SEC14L5: variants seen among roughly 807,000 people sequenced by gnomAD.
SEC14L5 encodes the protein SEC14 like lipid binding 5.
SEC14L5 carries 96 observed loss-of-function variants against 84.6 expected under a neutral mutation model. That is an observed-to-expected ratio of 1.13 (90% confidence interval 0.96 to 1.34). The LOEUF (loss-of-function observed/expected upper bound fraction) is 1.34, where lower values mean the gene tolerates loss of function less well. Among genes scored for constraint, SEC14L5 ranks in the 40% most tolerant of loss-of-function variants. The pLI, the probability that SEC14L5 is intolerant of heterozygous loss-of-function variation, is 0.00. For synonymous variants in SEC14L5, 546 were observed against 383.4 expected, an observed-to-expected ratio of 1.42 and a Z score of -4.95; for missense variants, 1,224 against 942.5, an observed-to-expected ratio of 1.30 and a Z score of -3.91.
At chr16:5,002,480 A>G (rs1327025772) in intron 10 of SEC14L5, among the ~76,000 whole-genome samples, 1 of 151,996 alleles carries the variant, frequency 6.6e-6, no homozygotes, top group Non-Finnish European at 1.5e-5. Flanking sequence ...TATTTTTAGT[A>G]GAGATGGGGT....
rs761104433 is a variant in SEC14L5 at position 4,987,556 on chromosome 16, G to A, written c.64-1G>A. ...GCCGCTCACTGCCGCTCTGCCCCCAGGCCTACGAGAAGCGTTTCCCCACGT... is the reference window on the plus strand; with the variant it reads ...GCCGCTCACTGCCGCTCTGCCCCCAAGCCTACGAGAAGCGTTTCCCCACGT... On this transcript the variant is annotated splice_acceptor_variant, in intron 2 of 15. Transcript: ENST00000251170. LOFTEE classifies it high-confidence loss of function. 3.2e-6 allele frequency: 5 copies of A among 1,549,092 alleles called. No individual in the cohort carries two copies. Among genetic ancestry groups the A allele is most frequent in the Non-Finnish European group, 2.6e-6 (3 of 1,147,914 alleles).
intron 2 of SEC14L5, among the ~76,000 whole-genome samples, chr16:4,961,951 C>T (rs1176038829): frequency 1.3e-5 from 2 of 151,968 alleles, no homozygotes; most frequent in Non-Finnish European, 2.9e-5. Flanking sequence ...CTTATTGTCA[C>T]TTGGTAGGAC....
intron 2 of SEC14L5, among the ~76,000 whole-genome samples, chr16:4,966,419 G>T (rs1955201412): frequency 6.7e-6 from 1 of 148,518 alleles, no homozygotes; most frequent in African/African-American, 2.5e-5. Context: ...GAGTACAAGT[G>T]CCCGCCACCA....
chr16:4,988,229 C>G lies in SEC14L5; in HGVS notation c.294C>G (p.His98Gln). 2 of 1,613,814 alleles carry G rather than the reference C, an allele frequency of 1.2e-6. No homozygotes were observed. The highest frequency in any genetic ancestry group is 1.7e-6 in the Non-Finnish European group (2 of 1,179,790). Residue 98 changes from histidine (H) to glutamine (Q), a missense_variant, in exon 4 of 16, where the codon CAC (histidine) becomes CAG (glutamine). By Grantham distance (24) the His-to-Gln change is conservative. Coordinates refer to ENST00000251170, the MANE Select transcript of SEC14L5 (RefSeq NM_014692.2). Reference sequence around the variant, plus strand: ...AGAGGACGCTCCTCATCGAAGCGCACAATGAGACCTTCGCCAACCGCGTGG... The same window carrying G: ...AGAGGACGCTCCTCATCGAAGCGCAGAATGAGACCTTCGCCAACCGCGTGG... ...WKERTLLIEA[H>Q]NETFANRVVV...
intron 2 of SEC14L5, among the ~76,000 whole-genome samples, chr16:4,972,683 C>A (rs1212009003): frequency 1.3e-5 from 2 of 152,204 alleles, no homozygotes; most frequent in Non-Finnish European, 2.9e-5. Context: ...CTCTTTAAAG[C>A]TGAAGAATAC....
intron 2 of SEC14L5, among the ~76,000 whole-genome samples, chr16:4,981,433 A>C (rs553366952): frequency 5.3e-5 from 8 of 151,908 alleles, no homozygotes; most frequent in South Asian, 4.1e-4. Flanking sequence ...TGTTCTGTGT[A>C]TATCCTCCCC....
chr16:4,991,915 C>T lies in SEC14L5; in HGVS notation c.552C>T (p.Ala184=). The change falls in exon 6 of 16, where the codon GCC becomes GCT. Residue 184 remains alanine, a synonymous_variant. Coordinates refer to ENST00000251170, the MANE Select transcript of SEC14L5 (RefSeq NM_014692.2). ...CGCACATTCCGCGCTGGACGCCTGC[C>T]CCAGTCCGTGAGGAGGATGCCCGCA... ...GTSHIPRWTP[A]PVREEDARNQ... The T allele has an allele frequency of 6.2e-7, 1 of 1,607,554 alleles. No homozygotes were observed. The highest frequency in any genetic ancestry group is 1.3e-5 in the African/African-American group (1 of 75,006).
intron 2 of SEC14L5, among the ~76,000 whole-genome samples, chr16:4,971,747 A>G (rs1258381141): frequency 6.6e-6 from 1 of 152,194 alleles, no homozygotes; most frequent in African/African-American, 2.4e-5. Flanking sequence ...TTAATCTCCC[A>G]GGGATATATA....
chr16:4,996,167 A>T (rs1227897183), intron 6 of SEC14L5, among the ~76,000 whole-genome samples, 181 bp from the exon 7 acceptor site: 1 of 152,122 alleles, frequency 6.6e-6, no homozygotes, highest in South Asian at 2.1e-4. Flanking sequence ...CCCCTTGGAC[A>T]TGGGCTGGAG....
At chr16:5,006,089 G>C (rs193173563) in intron 12 of SEC14L5, 41 bp downstream of exon 12, 2 of 1,606,154 alleles carry the variant, frequency 1.2e-6, no homozygotes, top group Admixed American at 3.4e-5. Flanking sequence ...GGCTTGAGGA[G>C]GGGGCATGCC....
At chr16:5,012,827 G>A (rs556282039) in intron 15 of SEC14L5, among the ~76,000 whole-genome samples, 1 of 152,062 alleles carries the variant, frequency 6.6e-6, no homozygotes, top group South Asian at 2.1e-4. Flanking sequence ...CCCAGGAGGT[G>A]GAGATTGCAG....
chr16:4,982,135 G>A lies in SEC14L5; in HGVS notation c.64-5422G>A, dbSNP rs148299375. ...GCTCTGTCCTCCTGGCCCTGGTGGA[G>A]GACAGGCAGGCTGGCCTTGCCCAGC... On this transcript the variant is annotated intron_variant, in intron 2 of 15. Coordinates refer to ENST00000251170, the MANE Select transcript of SEC14L5 (RefSeq NM_014692.2). Among the ~76,000 whole-genome samples, 428 of 152,226 alleles carry A rather than the reference G, an allele frequency of 2.8e-3. 18 individuals are homozygous for A. The East Asian group carries it at 0.066, about 24-fold the overall frequency.
intron 11 of SEC14L5, among the ~76,000 whole-genome samples, chr16:5,004,123 G>A (rs1160023738): frequency 6.6e-6 from 1 of 151,738 alleles, no homozygotes; most frequent in African/African-American, 2.4e-5. Flanking sequence ...CAGGGTGGCT[G>A]AGCAAAAAAG....
chr16:4,991,294 A>C (rs2972264), intron 5 of SEC14L5, among the ~76,000 whole-genome samples: 43,892 of 151,590 alleles, frequency 0.29, 7,108 homozygotes, highest in East Asian at 0.53. Flanking sequence ...AAATTTTTAA[A>C]CAATGTGTTA....
rs760269987 is a variant in SEC14L5, at chr16:5,011,214, C to A, written c.1920C>A (p.Ser640Arg). Residue 640 changes from serine (S) to arginine (R), a missense_variant, in exon 15 of 16, where the codon AGC becomes AGA. Ser to Arg is a moderately radical substitution (Grantham distance 110, BLOSUM62 -1). Coordinates refer to ENST00000251170, the MANE Select transcript of SEC14L5 (RefSeq NM_014692.2). ...GVDDVLTALH[S>R]PGPKCKLLYY... ...ACGATGTCCTGACGGCTCTGCACAG[C>A]CCCGGGCCCAAGTGCAAACTTCTCT... 1.2e-5 allele frequency: 20 copies of A among 1,613,750 alleles called. No homozygotes were observed. In the East Asian group the frequency reaches 3.8e-4, roughly 31 times the overall value.
At chr16:4,981,671 G>A (rs1955425432) in intron 2 of SEC14L5, among the ~76,000 whole-genome samples, 1 of 152,172 alleles carries the variant, frequency 6.6e-6, no homozygotes. Flanking sequence ...AGGGAGTGGG[G>A]ACTGGGCCCA....
At chr16:5,013,046 A>G (rs1156957759) in intron 15 of SEC14L5, among the ~76,000 whole-genome samples, 2 of 152,186 alleles carry the variant, frequency 1.3e-5, no homozygotes, top group African/African-American at 2.4e-5. Context: ...GAGAGAGCAG[A>G]GGAAGCCACA....
intron 6 of SEC14L5, 148 bp from the exon 7 acceptor site, chr16:4,996,200 G>T: frequency 1.7e-6 from 1 of 581,934 alleles, no homozygotes; most frequent in Non-Finnish European, 3.1e-6. Context: ...TCAGAGTCCG[G>T]TGGCTGCTGT....
chr16:5,008,766 A>T (rs1204612810), intron 14 of SEC14L5, 118 bp downstream of exon 14: 1 of 851,898 alleles, frequency 1.2e-6, no homozygotes, highest in Non-Finnish European at 1.9e-6. Flanking sequence ...AGCCTCAGGG[A>T]CCCTGCAGGA....
Sources: gnomAD v4.1 joint callset for allele counts (sites outside exome capture counted in the v4.1 genomes callset) on GRCh38, gnomAD v4.1.1 for gene constraint, MANE v1.5 for transcripts, NCBI Gene and HGNC (gene_info 2026-07-23, HGNC 2026-07-21) for gene names.